The following DZIP3 variants were observed in gnomAD, a reference collection of about 807,000 sequenced individuals.
The protein encoded by DZIP3 is E3 ubiquitin-protein ligase DZIP3.
Under a neutral mutation model 162.0 loss-of-function variants are expected in DZIP3, and 118 were observed. The observed-to-expected ratio is 0.73, with a 90% CI of 0.63 to 0.85. DZIP3 has a LOEUF of 0.85. Ranked by LOEUF, DZIP3 falls within the 40% of genes least tolerant of loss-of-function variation. DZIP3 has a pLI of 0.00. For missense variants in DZIP3, 1,331 were observed against 1,407.0 expected, an observed-to-expected ratio of 0.95 and a Z score of 0.86; for synonymous variants, 438 against 458.6, an observed-to-expected ratio of 0.96 and a Z score of 0.57.
chr3:108,682,069 A>G (rs778750244), intron 26 of DZIP3, among the ~76,000 whole-genome samples: 1 of 150,552 alleles, frequency 6.6e-6, no homozygotes, highest in Non-Finnish European at 1.5e-5. Context: ...CCAGAACTTA[A>G]AGTATAATAA....
chr3:108,685,285 A>G (rs1355829560), intron 27 of DZIP3, among the ~76,000 whole-genome samples: 2 of 152,182 alleles, frequency 1.3e-5, no homozygotes, highest in Non-Finnish European at 2.9e-5. Flanking sequence ...ACATTAAAAT[A>G]CCTTAATCTC....
Position 108,616,582 on chromosome 3 carries a change from TC to T in DZIP3, c.302del (p.Pro101LeufsTer3), listed in dbSNP as rs1286523878. On this transcript the variant is annotated frameshift_variant, in exon 5 of 33. Coordinates refer to ENST00000361582, the MANE Select transcript of DZIP3 (RefSeq NM_014648.4). LOFTEE classifies it high-confidence loss of function. ...ANSQNGEEIV[P>X]ALTLRFLITQ... ...ACAGCCAGAATGGTGAGGAAATTGTTCCTGCTTTGACTTTACGTTTCTTGAT... is the reference window on the plus strand; with the variant it reads ...ACAGCCAGAATGGTGAGGAAATTGTTCTGCTTTGACTTTACGTTTCTTGAT... The T allele has an allele frequency of 6.2e-7, 1 of 1,611,014 alleles. No individual in the cohort carries two copies. Among genetic ancestry groups the T allele is most frequent in the Non-Finnish European group, 8.5e-7 (1 of 1,178,724 alleles).
Position 108,608,175 on chromosome 3 carries a change from T to C in DZIP3, c.102+17T>C. The C allele has an allele frequency of 6.3e-7, 1 of 1,577,072 alleles. No individual in the cohort carries two copies. The highest frequency in any genetic ancestry group is 8.7e-7 in the Non-Finnish European group (1 of 1,153,656). On this transcript the variant is annotated intron_variant, in intron 3 of 32. Transcript: ENST00000361582. ...GGTCAACTGGTAAGAGAAAGTTTAA[T>C]TTTCATTAACTGTTAGTTAATTGAT...
intron 4 of DZIP3, among the ~76,000 whole-genome samples, chr3:108,612,326 G>A (rs796489680): frequency 2.0e-4 from 30 of 152,116 alleles, no homozygotes; most frequent in African/African-American, 7.0e-4. Context: ...ACAAACTGAA[G>A]ATATTCATAA....
At chr3:108,626,030 G>C in intron 7 of DZIP3, 61 bp downstream of exon 7, 1 of 1,571,570 alleles carries the variant, frequency 6.4e-7, no homozygotes, top group Admixed American at 1.8e-5. Context: ...TGAAATGGAA[G>C]TAAGTGTGCA....
chr3:108,646,157 C>T (rs781697981), intron 14 of DZIP3, among the ~76,000 whole-genome samples: 4 of 151,818 alleles, frequency 2.6e-5, no homozygotes, highest in African/African-American at 9.7e-5. Context: ...TTTTCTTCAC[C>T]ATTCAATCTC....
rs1377377574 is a variant in DZIP3 at position 108,662,112 on chromosome 3, A to G, written c.2296-18A>G. 40 of 1,579,276 alleles carry G rather than the reference A, an allele frequency of 2.5e-5. No homozygotes were observed. Among genetic ancestry groups the G allele is most frequent in the Non-Finnish European group, 3.3e-5 (39 of 1,168,524 alleles). On this transcript the variant is annotated intron_variant, in intron 20 of 32. Transcript: ENST00000361582. ...GACTTGAACATAATTATCTGAAATA[A>G]TATTTTTTATTGATCAGGATTTCAA...
chr3:108,692,539 G>A (rs1185264252), intron 32 of DZIP3, among the ~76,000 whole-genome samples: 1 of 152,118 alleles, frequency 6.6e-6, no homozygotes, highest in Non-Finnish European at 1.5e-5. Flanking sequence ...GGGCACATGC[G>A]TCACTGCTTA....
At chr3:108,691,005 C>T (rs1944672707) in intron 32 of DZIP3, 102 bp downstream of exon 32, 2 of 912,414 alleles carry the variant, frequency 2.2e-6, no homozygotes, top group Admixed American at 2.8e-5. Flanking sequence ...CTAAAGAAGC[C>T]AGCTAATTTT....
chr3:108,658,311 A>G (rs1032890230), intron 19 of DZIP3, among the ~76,000 whole-genome samples: 1 of 152,268 alleles, frequency 6.6e-6, no homozygotes, highest in African/African-American at 2.4e-5. Context: ...CAGTGCAATC[A>G]AAGTAGAACT....
intron 5 of DZIP3, among the ~76,000 whole-genome samples, chr3:108,620,394 A>G (rs769306891): frequency 1.3e-5 from 2 of 152,232 alleles, no homozygotes; most frequent in Non-Finnish European, 2.9e-5. Context: ...GTTAGGGAAC[A>G]CTGCCAAAAT....
chr3:108,688,490 A>G, intron 29 of DZIP3, 103 bp from the exon 30 acceptor site: 1 of 1,243,784 alleles, frequency 8.0e-7, no homozygotes, highest in Admixed American at 2.6e-5. Flanking sequence ...CTGATTATTT[A>G]CCCTTTTGCT....
chr3:108,648,943 A>AG lies in DZIP3; in HGVS notation c.1989dup (p.Lys664GlufsTer3). ...GTTAAGAGTAAACAAAGGAAAAAGA[A>AG]GAAGACTAAGAATAAAAAGGTAAGA... On this transcript the variant is annotated frameshift_variant, in exon 17 of 33. Transcript: ENST00000361582. LOFTEE classifies it high-confidence loss of function. 1.7e-6 allele frequency: 2 copies of AG among 1,162,594 alleles called. No homozygotes were observed. Among genetic ancestry groups the AG allele is most frequent in the Non-Finnish European group, 2.3e-6 (2 of 875,814 alleles). 72.0% of individuals were successfully genotyped at this position (1,162,594 alleles called of 1,614,324 possible).
In DZIP3 at chr3:108,694,017, A is replaced by G. The variant is rs1485870492; in HGVS notation, c.*664A>G. 6.6e-6 allele frequency: 1 copy of G among 152,162 alleles called. No homozygotes were observed. The highest frequency in any genetic ancestry group is 1.5e-5 in the Non-Finnish European group (1 of 68,012). The allele number at this position is 152,162 out of a possible 1,614,324, so 9.4% of individuals were successfully genotyped here. A position where few individuals can be genotyped will look rare whatever the true frequency, so the allele number is the denominator to read the frequency against. On this transcript the variant is annotated 3_prime_UTR_variant, in exon 33 of 33. Transcript: ENST00000361582. Reference sequence around the variant, plus strand: ...TGTACATGTCTCTGGTTTCAGAATTAAAAGAATTCAGAGTTACCTTGTGAG... The same window carrying G: ...TGTACATGTCTCTGGTTTCAGAATTGAAAGAATTCAGAGTTACCTTGTGAG...
rs778335437 is a variant in DZIP3, at chr3:108,646,057, C to G, written c.1760-560C>G. 5.7e-4 allele frequency among the ~76,000 whole-genome samples: 86 copies of G among 152,126 alleles called. 2 individuals carry two copies. Among genetic ancestry groups the G allele is most frequent in the Non-Finnish European group, 8.8e-5 (6 of 68,012 alleles). On this transcript the variant is annotated intron_variant, in intron 14 of 32. Transcript: ENST00000361582. The stretch of plus-strand genomic sequence containing the variant: ...TTTCTTACCATCTTATATTTCTTTC[C>G]TCAGCTATTCTAGTTGCTTTTTATT...
At chr3:108,689,331 T>A (rs530084818) in intron 31 of DZIP3, among the ~76,000 whole-genome samples, 3 of 152,302 alleles carry the variant, frequency 2.0e-5, no homozygotes, top group Non-Finnish European at 4.4e-5. Flanking sequence ...AGCATAAGAT[T>A]TATCAGTCTC....
chr3:108,635,060 A>G, intron 10 of DZIP3, 88 bp downstream of exon 10: 1 of 735,800 alleles, frequency 1.4e-6, no homozygotes, highest in Non-Finnish European at 2.2e-6. Flanking sequence ...CTTCCTGTTC[A>G]TAACTTCCCT....
intron 12 of DZIP3, among the ~76,000 whole-genome samples, chr3:108,637,970 A>C (rs1437193525): frequency 2.0e-5 from 3 of 152,178 alleles, no homozygotes; most frequent in African/African-American, 7.2e-5. Flanking sequence ...GCGGTATTAT[A>C]GAGTGTTGCT....
At chr3:108,640,752 T>C (rs1213637291) in intron 12 of DZIP3, among the ~76,000 whole-genome samples, 2 of 152,116 alleles carry the variant, frequency 1.3e-5, no homozygotes, top group East Asian at 1.9e-4. Context: ...CCTTAACATC[T>C]CTTTTTAACC....
Sources: gnomAD v4.1 joint callset for allele counts (sites outside exome capture counted in the v4.1 genomes callset) on GRCh38, gnomAD v4.1.1 for gene constraint, MANE v1.5 for transcripts, NCBI Gene and HGNC (gene_info 2026-07-23, HGNC 2026-07-21) for gene names.